The following DPP6 variants were observed in gnomAD, a reference collection of about 807,000 sequenced individuals.
The protein encoded by DPP6 is A-type potassium channel modulatory protein DPP6.
DPP6 carries 69 observed loss-of-function variants against 122.6 expected under a neutral mutation model. That is an observed-to-expected ratio of 0.56 (90% CI 0.46 to 0.69). DPP6 has a LOEUF of 0.69. Ranked by LOEUF, DPP6 falls within the 30% of genes least tolerant of loss-of-function variation. The probability of loss-of-function intolerance (pLI) is 0.00; values close to 1 mark genes in which losing one functional copy is unlikely to be tolerated. For missense variants in DPP6, 928 were observed against 1,116.9 expected, an observed-to-expected ratio of 0.83 and a Z score of 2.41; for synonymous variants, 418 against 433.1, an observed-to-expected ratio of 0.97 and a Z score of 0.43.
intron 3 of DPP6, among the ~76,000 whole-genome samples, chr7:154,533,717 G>C (rs540545937): frequency 1.3e-5 from 2 of 152,212 alleles, no homozygotes; most frequent in African/African-American, 4.8e-5. Flanking sequence ...TCAACAATAG[G>C]CCTGGCATGG....
chr7:153,885,911 G>A (rs904904079), upstream of DPP6, among the ~76,000 whole-genome samples: 17 of 152,126 alleles, frequency 1.1e-4, no homozygotes, highest in Non-Finnish European at 2.4e-4. Context: ...GTGTTTGCAT[G>A]TGGGCATTGT....
chr7:153,750,835 A>G, the DPP6 span, among the ~76,000 whole-genome samples: 1 of 152,198 alleles, frequency 6.6e-6, no homozygotes, highest in African/African-American at 2.4e-5. Flanking sequence ...GATGGCCTAA[A>G]GTGAGATGAT....
chr7:154,625,645 G>A (rs1271562118), intron 5 of DPP6, among the ~76,000 whole-genome samples: 1 of 152,198 alleles, frequency 6.6e-6, no homozygotes. Context: ...AGTGCTATGA[G>A]GGACCAGGGG....
chr7:154,879,460 G>C (rs1226714981), intron 20 of DPP6, among the ~76,000 whole-genome samples: 1 of 134,986 alleles, frequency 7.4e-6, no homozygotes, highest in Non-Finnish European at 1.5e-5. Flanking sequence ...CGAGGTGGCG[G>C]GCACCTGTAG....
intron 1 of DPP6, among the ~76,000 whole-genome samples, chr7:153,976,655 A>C: frequency 6.6e-6 from 1 of 152,246 alleles, no homozygotes; most frequent in Admixed American, 6.5e-5. Flanking sequence ...GCAAGAAATG[A>C]TTTTCATGAA....
intron 1 of DPP6, among the ~76,000 whole-genome samples, chr7:154,194,911 G>A (rs1388147081): frequency 6.6e-6 from 1 of 152,090 alleles, no homozygotes; most frequent in Non-Finnish European, 1.5e-5. Flanking sequence ...TATATCGTTG[G>A]CAAATATTTT....
At chr7:154,008,771 C>T (rs990775211) in intron 1 of DPP6, among the ~76,000 whole-genome samples, 4 of 150,574 alleles carry the variant, frequency 2.7e-5, no homozygotes, top group Non-Finnish European at 5.9e-5. Context: ...ACGCCATTCT[C>T]CTGCCTCAGC....
chr7:153,838,391 G>T, the DPP6 span, among the ~76,000 whole-genome samples: 91 of 152,080 alleles, frequency 6.0e-4, no homozygotes, highest in Non-Finnish European at 5.0e-4. Flanking sequence ...AGAATTCAGT[G>T]GAATTTCTTC....
chr7:154,761,123 C>T (rs1040752552), intron 8 of DPP6, among the ~76,000 whole-genome samples: 20 of 152,310 alleles, frequency 1.3e-4, no homozygotes, highest in African/African-American at 4.8e-4. Context: ...GTGTGAGCCA[C>T]CGCACCCAGC....
chr7:154,313,714 T>TATATATGCATACACACACACAC (rs1177234778), intron 1 of DPP6, among the ~76,000 whole-genome samples: 1 of 17,786 alleles, frequency 5.6e-5, no homozygotes, highest in Non-Finnish European at 1.2e-4. Flanking sequence ...TATATATATA[T>TATATATGCATACACACACACAC]ACACACACAC....
At chr7:154,682,707 G>A (rs371278501) in intron 7 of DPP6, among the ~76,000 whole-genome samples, 1 of 152,176 alleles carries the variant, frequency 6.6e-6, no homozygotes, top group Non-Finnish European at 1.5e-5. Flanking sequence ...CTCCTCCTTT[G>A]CAGAATTTTG....
At chr7:154,005,205 T>C (rs1370082732) in intron 1 of DPP6, among the ~76,000 whole-genome samples, 1 of 152,240 alleles carries the variant, frequency 6.6e-6, no homozygotes, top group Non-Finnish European at 1.5e-5. Context: ...AGACCTTTCA[T>C]CATAGTTCCT....
rs574253147 is a variant in DPP6 at position 154,026,825 on chromosome 7, T to C, written c.51+139091T>C. The stretch of plus-strand genomic sequence containing the variant: ...CCTCCAAAAGTGGTTCTAGCCTTTC[T>C]GTAATCTTTCATATGAGCTTGTTGT... On this transcript the variant is annotated intron_variant, in intron 1 of 25. Coordinates refer to the DPP6 transcript ENST00000404039. 3 of 152,370 alleles carry C rather than the reference T, an allele frequency of 2.0e-5. No individual in the cohort carries two copies. In the South Asian group the frequency reaches 6.2e-4, roughly 32 times the overall value. 9.4% of individuals were successfully genotyped at this position (152,370 alleles called of 1,614,324 possible). A position where few individuals can be genotyped will look rare whatever the true frequency, so the allele number is the denominator to read the frequency against.
the DPP6 span, among the ~76,000 whole-genome samples, chr7:153,796,122 T>C: frequency 8.2e-6 from 1 of 122,520 alleles, no homozygotes; most frequent in African/African-American, 3.1e-5. Flanking sequence ...TGATAAAAAG[T>C]CGGTCAGGTT....
intron 1 of DPP6, among the ~76,000 whole-genome samples, chr7:154,429,176 C>T (rs1818152910): frequency 1.9e-5 from 1 of 52,380 alleles, no homozygotes. Flanking sequence ...GCTTCTTAAT[C>T]TGTTAAAAAA....
chr7:154,701,689 C>A (rs1225796113), intron 7 of DPP6, among the ~76,000 whole-genome samples: 3 of 152,206 alleles, frequency 2.0e-5, no homozygotes, highest in Non-Finnish European at 4.4e-5. Context: ...TGGCTGCCAC[C>A]TGTGAAAGGT....
intron 1 of DPP6, among the ~76,000 whole-genome samples, chr7:153,969,480 C>A (rs565143134): frequency 6.8e-6 from 1 of 147,222 alleles, no homozygotes; most frequent in East Asian, 1.9e-4. Flanking sequence ...TTGAACTTTG[C>A]TTCTAACAGA....
Position 154,576,910 on chromosome 7 carries a change from C to G in DPP6, c.627+9994C>G, listed in dbSNP as rs1273485806. 3.9e-5 allele frequency among the ~76,000 whole-genome samples: 6 copies of G among 152,198 alleles called. No individual in the cohort carries two copies. In the East Asian group the frequency reaches 1.2e-3, roughly 29 times the overall value. On this transcript the variant is annotated intron_variant, in intron 5 of 25. Coordinates refer to ENST00000377770, the MANE Select transcript of DPP6 (RefSeq NM_130797.4). Reference sequence around the variant, plus strand: ...TGGGAAGAGTGAAGCCAAGAGGAGCCAGAGGTAGAAAATGGTGGTGTTGAT... The same window carrying G: ...TGGGAAGAGTGAAGCCAAGAGGAGCGAGAGGTAGAAAATGGTGGTGTTGAT...
chr7:154,226,477 G>A (rs1054959687), intron 1 of DPP6, among the ~76,000 whole-genome samples: 6 of 152,202 alleles, frequency 3.9e-5, no homozygotes, highest in African/African-American at 1.4e-4. Flanking sequence ...TCACTGTCAA[G>A]GGATTACTCC....
Sources: gnomAD v4.1 joint callset for allele counts (sites outside exome capture counted in the v4.1 genomes callset) on GRCh38, gnomAD v4.1.1 for gene constraint, MANE v1.5 for transcripts, NCBI Gene and HGNC (gene_info 2026-07-23, HGNC 2026-07-21) for gene names.